ING2: variants seen among roughly 807,000 people sequenced by gnomAD.
The protein encoded by ING2 is inhibitor of growth protein 2.
ING2 carries 7 observed loss-of-function variants against 30.6 expected under a neutral mutation model. That is an observed-to-expected ratio of 0.23 (90% CI 0.13 to 0.43). The LOEUF (loss-of-function observed/expected upper bound fraction) is 0.43. Ranked by LOEUF, ING2 falls within the 20% of genes least tolerant of loss-of-function variation. The pLI is 1.00. For missense variants in ING2, 239 were observed against 334.9 expected (o/e 0.71, Z 2.24); for synonymous variants, 136 against 121.7 (o/e 1.12, Z -0.78).
chr4:183,505,560 C>T (rs1284412331), intron 1 of ING2, among the ~76,000 whole-genome samples, 193 bp downstream of exon 1: 2 of 152,202 alleles, frequency 1.3e-5, no homozygotes, highest in Non-Finnish European at 2.9e-5. Flanking sequence ...CTGGGGTCCC[C>T]AGAGTGGGGG....
intron 1 of ING2, among the ~76,000 whole-genome samples, chr4:183,507,343 C>G (rs758998499): frequency 2.0e-5 from 3 of 152,182 alleles, no homozygotes; most frequent in Non-Finnish European, 4.4e-5. Flanking sequence ...TCAGGGGACC[C>G]GCCCGCCTCG....
At chr4:183,505,978 A>C in intron 1 of ING2, 2 of 630,288 alleles carry the variant, frequency 3.2e-6, no homozygotes, top group Non-Finnish European at 4.2e-6. Flanking sequence ...TTTCGGCAAA[A>C]TGGTTAAGAG....
At chr4:183,506,051 G>A in intron 1 of ING2, 1 of 1,106,292 alleles carries the variant, frequency 9.0e-7, no homozygotes, top group East Asian at 9.0e-5. Flanking sequence ...CCCCCGCGCC[G>A]GGGGCGGGGC....
rs1360513472 is a variant in ING2, at chr4:183,505,063, C to T, written c.-133C>T. ...TGGGGGGAGTGGAGATCGGGGAGCG[C>T]GGCCGTGCCCTCTCGAGCGGCTGCG... On this transcript the variant is annotated 5_prime_UTR_variant, in exon 1 of 2. Coordinates refer to ENST00000302327, the MANE Select transcript of ING2 (RefSeq NM_001564.4). The T allele has an allele frequency of 2.0e-5, 15 of 734,584 alleles. No individual in the cohort carries two copies. Among genetic ancestry groups the T allele is most frequent in the Non-Finnish European group, 1.3e-5 (7 of 530,602 alleles). The allele number at this position is 734,584 out of a possible 1,614,324, so 45.5% of individuals were successfully genotyped here. A position where few individuals can be genotyped will look rare whatever the true frequency, so the allele number is the denominator to read the frequency against.
At chr4:183,506,052 G>T in intron 1 of ING2, 1 of 1,115,110 alleles carries the variant, frequency 9.0e-7, no homozygotes, top group South Asian at 1.8e-5. Flanking sequence ...CCCCGCGCCG[G>T]GGGCGGGGCC....
intron 1 of ING2, 26 bp downstream of exon 1, chr4:183,505,393 C>T: frequency 6.6e-7 from 1 of 1,507,878 alleles, no homozygotes; most frequent in Non-Finnish European, 8.9e-7. Flanking sequence ...CTGCCGGCCT[C>T]GGGAGCCGGT....
Position 183,505,216 on chromosome 4 carries a change from G to C in ING2, c.21G>C (p.Gln7His). MLGQQQQQLYSSAALLT... is the reference protein window; with the variant it reads MLGQQQHQLYSSAALLT... ...GCAGGATGTTAGGGCAGCAGCAGCA[G>C]CAACTGTACTCGTCGGCCGCGCTCC... The change falls in exon 1 of 2, where the codon CAG (glutamine) becomes CAC (histidine). Residue 7 changes from glutamine to histidine, a missense_variant. Physicochemically the swap from Gln to His is conservative, Grantham distance 24 (BLOSUM62 0). This residue lies in a region of ING2 where 80 missense variants were observed against 102.4 expected (regional missense o/e 0.78). Coordinates refer to ENST00000302327, the MANE Select transcript of ING2 (RefSeq NM_001564.4). 6.2e-7 allele frequency: 1 copy of C among 1,601,508 alleles called. No individual in the cohort carries two copies.
At chr4:183,506,364 G>T (rs1466620826) in intron 1 of ING2, 1 of 1,258,942 alleles carries the variant, frequency 7.9e-7, no homozygotes, top group Non-Finnish European at 1.1e-6. Flanking sequence ...GGAGGAAGTG[G>T]GTTGGTTGAC....
Position 183,506,535 on chromosome 4 carries a change from G to A in ING2, c.172+1168G>A, listed in dbSNP as rs187223549. 5.9e-5 allele frequency among the ~76,000 whole-genome samples: 9 copies of A among 152,346 alleles called. No homozygotes were observed. In the East Asian group the frequency reaches 1.2e-3, roughly 20 times the overall value. On this transcript the variant is annotated intron_variant, in intron 1 of 1. Coordinates refer to ENST00000302327, the MANE Select transcript of ING2 (RefSeq NM_001564.4). ...GTGCTACTAGGAGGGCAGTTTAAAA[G>A]GGGAAATGTGTTGCGCTTAATAACC...
In ING2 at chr4:183,510,313, A is replaced by G. The variant is rs1734792585; in HGVS notation, c.204A>G (p.Glu68=). 6.3e-7 allele frequency: 1 copy of G among 1,589,240 alleles called. No individual in the cohort carries two copies. The highest frequency in any genetic ancestry group is 8.5e-7 in the Non-Finnish European group (1 of 1,172,324). Reference sequence around the variant, plus strand: ...TAAAGGAAATTGATGATGTCTACGAAAAATATAAGAAAGAAGATGATTTAA... The same window carrying G: ...TAAAGGAAATTGATGATGTCTACGAGAAATATAAGAAAGAAGATGATTTAA... ...ETLKEIDDVY[E]KYKKEDDLNQ... is the part of the protein sequence containing the mutation. Residue 68 remains glutamate, a synonymous_variant, in exon 2 of 2, where the codon GAA becomes GAG. Coordinates refer to ENST00000302327, the MANE Select transcript of ING2 (RefSeq NM_001564.4).
At chr4:183,506,582 G>C (rs1734654948) in intron 1 of ING2, among the ~76,000 whole-genome samples, 1 of 152,184 alleles carries the variant, frequency 6.6e-6, no homozygotes, top group Non-Finnish European at 1.5e-5. Flanking sequence ...AACAGACCTT[G>C]AACATAGTAT....
chr4:183,511,866 T>C lies in ING2; in HGVS notation c.*914T>C, dbSNP rs1465079523. On this transcript the variant is annotated 3_prime_UTR_variant, in exon 2 of 2. Coordinates refer to ENST00000302327, the MANE Select transcript of ING2 (RefSeq NM_001564.4). ...TAAATATTGCCTTTATGTCAGAGAGTTGTTTTAAATGGTTTTGCTAGTGGT... is the reference window on the plus strand; with the variant it reads ...TAAATATTGCCTTTATGTCAGAGAGCTGTTTTAAATGGTTTTGCTAGTGGT... 6.6e-6 allele frequency among the ~76,000 whole-genome samples: 1 copy of C among 152,144 alleles called. No homozygotes were observed. The highest frequency in any genetic ancestry group is 1.5e-5 in the Non-Finnish European group (1 of 68,032).
intron 1 of ING2, chr4:183,506,307 T>TC (rs1360152250): frequency 1.5e-6 from 2 of 1,304,010 alleles, no homozygotes; most frequent in Non-Finnish European, 2.0e-6. Flanking sequence ...CCGTCGCGGA[T>TC]CCTGGCTCCG....
At chr4:183,506,328 G>C (rs1734647293) in intron 1 of ING2, 1 of 1,302,032 alleles carries the variant, frequency 7.7e-7, no homozygotes. Flanking sequence ...CGTAGGTTCC[G>C]GGACATGTGT....
intron 1 of ING2, among the ~76,000 whole-genome samples, chr4:183,506,648 T>C (rs1415130866): frequency 6.6e-6 from 1 of 152,240 alleles, no homozygotes. Flanking sequence ...TCTGTTTTTG[T>C]AGACACGCCA....
Position 183,510,824 on chromosome 4 carries a change from C to T in ING2, c.715C>T (p.His239Tyr). The T allele has an allele frequency of 6.2e-7, 1 of 1,614,170 alleles. No individual in the cohort carries two copies. Among genetic ancestry groups the T allele is most frequent in the Non-Finnish European group, 8.5e-7 (1 of 1,180,028 alleles). Reference protein sequence around the residue: ...DNEQCPIEWFHFSCVSLTYKP... With the variant: ...DNEQCPIEWFYFSCVSLTYKP... ...TGAACAGTGTCCAATTGAATGGTTT[C>T]ACTTTTCATGTGTTTCACTTACCTA... Residue 239 changes from histidine (H) to tyrosine (Y), a missense_variant, in exon 2 of 2, where the codon CAC becomes TAC. Around this residue, in one of 5 missense-constraint regions of ING2, gnomAD observed 22 missense variants for 77.0 expected, o/e 0.29. Transcript: ENST00000302327.
In ING2 at chr4:183,505,118, G is replaced by C. The variant is rs1001921813; in HGVS notation, c.-78G>C. 35 of 1,411,318 alleles carry C rather than the reference G, an allele frequency of 2.5e-5. 1 individual carries two copies. The African/African-American group carries it at 3.8e-4, about 15-fold the overall frequency. 87.4% of individuals were successfully genotyped at this position (1,411,318 alleles called of 1,614,324 possible). ...CCCCGCGGCGCCGGGCTGCTGAGCTGAGGGCCCGCGGCGGCCGCGGCCGGT... is the reference window on the plus strand; with the variant it reads ...CCCCGCGGCGCCGGGCTGCTGAGCTCAGGGCCCGCGGCGGCCGCGGCCGGT... On this transcript the variant is annotated 5_prime_UTR_variant, in exon 1 of 2. Coordinates refer to ENST00000302327, the MANE Select transcript of ING2 (RefSeq NM_001564.4).
chr4:183,512,011 A>C lies in ING2; in HGVS notation c.*1059A>C, dbSNP rs1330641041. 6.6e-6 allele frequency among the ~76,000 whole-genome samples: 1 copy of C among 152,198 alleles called. No homozygotes were observed. The highest frequency in any genetic ancestry group is 1.5e-5 in the Non-Finnish European group (1 of 68,040). The stretch of plus-strand genomic sequence containing the variant: ...TTTAATTAACTTATTTCATCATCAT[A>C]ATGCAATTAATGTATTTGTAAATTG... On this transcript the variant is annotated 3_prime_UTR_variant, in exon 2 of 2. Coordinates refer to ENST00000302327, the MANE Select transcript of ING2 (RefSeq NM_001564.4).
Position 183,511,091 on chromosome 4 carries a change from AC to A in ING2, c.*140del. On this transcript the variant is annotated 3_prime_UTR_variant, in exon 2 of 2. Coordinates refer to ENST00000302327, the MANE Select transcript of ING2 (RefSeq NM_001564.4). ...TTAATGGTGTATTAAAAGTTGTTGT[AC>A]TTTGTCTGTGACCTTAATTTTCTGC... The A allele has an allele frequency of 1.4e-6, 1 of 705,382 alleles. No homozygotes were observed. Among genetic ancestry groups the A allele is most frequent in the Non-Finnish European group, 2.2e-6 (1 of 451,488 alleles). 43.7% of individuals were successfully genotyped at this position (705,382 alleles called of 1,614,324 possible). A position where few individuals can be genotyped will look rare whatever the true frequency, so the allele number is the denominator to read the frequency against.
Sources: allele counts gnomAD v4.1 joint callset (sites outside exome capture counted in the v4.1 genomes callset), GRCh38; gene constraint gnomAD v4.1.1; regional missense constraint gnomAD v4.1.1; transcripts MANE v1.5; gene names NCBI Gene and HGNC (gene_info 2026-07-23, HGNC 2026-07-21).